The following PI4KA variants were observed in gnomAD, a reference collection of about 807,000 sequenced individuals.
The protein encoded by PI4KA is phosphatidylinositol 4-kinase alpha, also known as PI4-kinase alpha.
In PI4KA, 122 loss-of-function variants were observed where a neutral mutation model predicts 271.4. The observed-to-expected ratio is 0.45, with a 90% CI of 0.39 to 0.52. PI4KA has a LOEUF of 0.52. Ranked by LOEUF, PI4KA falls within the 20% of genes least tolerant of loss-of-function variation. The pLI, the probability that PI4KA is intolerant of heterozygous loss-of-function variation, is 0.00. For synonymous variants in PI4KA, 1,041 were observed against 1,078.8 expected (o/e 0.96, Z 0.69); for missense variants, 1,969 against 2,769.1 (o/e 0.71, Z 6.48).
intron 1 of PI4KA, among the ~76,000 whole-genome samples, chr22:20,841,333 T>C (rs752760253): frequency 2.0e-5 from 3 of 152,146 alleles, no homozygotes; most frequent in Non-Finnish European, 2.9e-5. Context: ...CCCCACCCAG[T>C]AGAAAGAACT....
chr22:20,836,985 T>G (rs918975257), intron 2 of PI4KA, among the ~76,000 whole-genome samples: 2 of 152,244 alleles, frequency 1.3e-5, no homozygotes, highest in African/African-American at 2.4e-5. Flanking sequence ...AACAATAGTT[T>G]CTTATAAATT....
chr22:20,764,784 T>A, intron 22 of PI4KA, 33 bp downstream of exon 22: 2 of 1,564,146 alleles, frequency 1.3e-6, no homozygotes, highest in South Asian at 1.2e-5. Flanking sequence ...CAAATGTGGA[T>A]GTGCATGTGC....
intron 8 of PI4KA, among the ~76,000 whole-genome samples, chr22:20,811,607 C>CAAAAAAAAAAAAAA (rs1185062165): frequency 8.9e-6 from 1 of 112,432 alleles, no homozygotes; most frequent in Admixed American, 9.2e-5. Flanking sequence ...TGCAGAACCA[C>CAAAAAAAAAAAAAA]AAAAAAAAAA....
intron 45 of PI4KA, 101 bp from the exon 46 acceptor site, chr22:20,714,801 G>A: frequency 1.5e-6 from 2 of 1,371,384 alleles, no homozygotes; most frequent in Non-Finnish European, 2.0e-6. Context: ...CACCCTGCAG[G>A]CACACCCCGC....
At chr22:20,824,268 T>G in intron 4 of PI4KA, 58 bp downstream of exon 4, 1 of 1,074,596 alleles carries the variant, frequency 9.3e-7, no homozygotes, top group South Asian at 1.3e-5. Flanking sequence ...TTTTCATCAC[T>G]TTGGGACTCT....
intron 39 of PI4KA, among the ~76,000 whole-genome samples, chr22:20,728,180 A>T (rs1000665408): frequency 3.3e-5 from 5 of 152,170 alleles, no homozygotes; most frequent in African/African-American, 1.2e-4. Context: ...TGCTTATTTC[A>T]CGTTGCATGC....
At position 20,742,161 on chromosome 22, in the gene PI4KA, C is replaced by G; in HGVS notation, c.3741+67G>C. The G allele has an allele frequency of 2.6e-6, 4 of 1,529,460 alleles. No homozygotes were observed. In the South Asian group the frequency reaches 3.6e-5, roughly 14 times the overall value. 94.7% of individuals were successfully genotyped at this position (1,529,460 alleles called of 1,614,324 possible). On this transcript the variant is annotated intron_variant, in intron 32 of 54. Transcript: ENST00000255882. ...TCTCCATGCTTGGTGGTGGCGGCAC[C>G]AGGGAAGGCTCTTCCCGTCTGTTAT...
At position 20,732,999 on chromosome 22, in the gene PI4KA, G is replaced by A. The variant is rs2147248566; in HGVS notation, c.4260C>T (p.Tyr1420=). Residue 1420 remains tyrosine (Y), a synonymous_variant, in exon 36 of 55, where the codon TAC becomes TAT. Coordinates refer to ENST00000255882, the MANE Select transcript of PI4KA (RefSeq NM_058004.4). The stretch of plus-strand genomic sequence containing the variant: ...GGGGAACAAGCTGGCTGGCGGTCAG[G>A]TACTTCTTATCTGAGAACATGGCGG... ...FWTAMFSDKK[Y]LTASQLVPPD... is the part of the protein sequence containing the mutation. 1 of 1,609,384 alleles carries A rather than the reference G, an allele frequency of 6.2e-7. No individual in the cohort carries two copies. Among genetic ancestry groups the A allele is most frequent in the South Asian group, 1.1e-5 (1 of 90,926 alleles).
chr22:20,837,351 T>G (rs1165626629), intron 2 of PI4KA, among the ~76,000 whole-genome samples: 1 of 151,198 alleles, frequency 6.6e-6, no homozygotes, highest in African/African-American at 2.4e-5. Flanking sequence ...CACTCCAGCC[T>G]AGGCGATAGA....
At chr22:20,831,654 T>C (rs1042285701) in intron 3 of PI4KA, among the ~76,000 whole-genome samples, 1 of 152,148 alleles carries the variant, frequency 6.6e-6, no homozygotes, top group Non-Finnish European at 1.5e-5. Context: ...CTCCATTCTC[T>C]TCTGGCTTGT....
At chr22:20,711,807 T>C (rs1241741879) in intron 50 of PI4KA, among the ~76,000 whole-genome samples, 24 of 151,166 alleles carry the variant, frequency 1.6e-4, no homozygotes, top group African/African-American at 4.9e-4. Context: ...TGCAGTGGCA[T>C]GATCTTGGCT....
intron 2 of PI4KA, among the ~76,000 whole-genome samples, chr22:20,836,091 C>A (rs993139036): frequency 2.1e-5 from 2 of 96,852 alleles, no homozygotes; most frequent in African/African-American, 4.4e-5. Flanking sequence ...AAACAAAAAA[C>A]AACAAAAAAA....
rs1408981423 is a variant in PI4KA at position 20,744,695 on chromosome 22, G to T, written c.3389C>A (p.Ala1130Asp). The T allele has an allele frequency of 6.2e-7, 1 of 1,614,126 alleles. No homozygotes were observed. Among genetic ancestry groups the T allele is most frequent in the Non-Finnish European group, 8.5e-7 (1 of 1,179,980 alleles). ...LGATQLSERP[A>D]CVKKDYSNFM... ...GTTGGAGTAGTCTTTCTTCACACAGGCCGGGCGCTCGCTCAGCTGAGTTGC... is the reference window on the plus strand; with the variant it reads ...GTTGGAGTAGTCTTTCTTCACACAGTCCGGGCGCTCGCTCAGCTGAGTTGC... Residue 1130 changes from alanine (A) to aspartate (D), a missense_variant, in exon 30 of 55, where the codon GCC (alanine) becomes GAC (aspartate). Transcript: ENST00000255882.
intron 19 of PI4KA, among the ~76,000 whole-genome samples, chr22:20,782,050 T>C (rs2147494967): frequency 6.6e-6 from 1 of 152,370 alleles, no homozygotes; most frequent in Admixed American, 6.5e-5. Context: ...TGACATTTAT[T>C]TTACTTCTAC....
chr22:20,762,664 A>C (rs780006392), intron 22 of PI4KA, among the ~76,000 whole-genome samples: 7 of 152,124 alleles, frequency 4.6e-5, no homozygotes, highest in Non-Finnish European at 1.0e-4. Flanking sequence ...ACATGCTGGG[A>C]TGAAAGCCAT....
intron 42 of PI4KA, among the ~76,000 whole-genome samples, chr22:20,722,649 A>G (rs1041057072): frequency 1.3e-5 from 2 of 152,152 alleles, no homozygotes; most frequent in Admixed American, 6.5e-5. Context: ...TCCTAGAGCC[A>G]TAAGTTTTGA....
intron 3 of PI4KA, among the ~76,000 whole-genome samples, chr22:20,832,889 A>G (rs1179893131): frequency 6.6e-6 from 1 of 151,968 alleles, no homozygotes; most frequent in Non-Finnish European, 1.5e-5. Flanking sequence ...TCTGAATTCT[A>G]TTTCTGTCAT....
rs544792066 is a variant in PI4KA, at chr22:20,756,397, T to A, written c.2792-3217A>T. On this transcript the variant is annotated intron_variant, in intron 23 of 54. Coordinates refer to ENST00000255882, the MANE Select transcript of PI4KA (RefSeq NM_058004.4). ...CACCATGCAGGGCTAATTTTGTATT[T>A]TCAGTAGAGATGGGGTTTCTCCGTG... Among the ~76,000 whole-genome samples the A allele has an allele frequency of 3.4e-3, 514 of 152,148 alleles. 2 individuals carry two copies. Among genetic ancestry groups the A allele is most frequent in the Middle Eastern group, 0.014 (4 of 294 alleles).
intron 1 of PI4KA, among the ~76,000 whole-genome samples, chr22:20,839,641 C>A (rs561287192): frequency 6.6e-6 from 1 of 152,284 alleles, no homozygotes; most frequent in East Asian, 1.9e-4. Flanking sequence ...ACCAGCTTGG[C>A]CAATACGGTG....
Sources: gnomAD v4.1 joint callset for allele counts (sites outside exome capture counted in the v4.1 genomes callset) on GRCh38, gnomAD v4.1.1 for gene constraint, MANE v1.5 for transcripts, NCBI Gene and HGNC (gene_info 2026-07-23, HGNC 2026-07-21) for gene names.